DHX36: variants seen among roughly 807,000 people sequenced by gnomAD.
The protein encoded by DHX36 is DEAH-box helicase 36, also known as ATP-dependent DNA/RNA helicase DHX36.
In DHX36, 50 loss-of-function variants were observed where a neutral mutation model predicts 139.0. The ratio of observed to expected loss-of-function variants is 0.36; its 90% CI spans 0.29 to 0.46. DHX36 has a LOEUF of 0.46. Ranked by LOEUF, DHX36 falls within the 20% of genes least tolerant of loss-of-function variation. The pLI is 1.00. For synonymous variants in DHX36, 425 were observed against 401.9 expected, an observed-to-expected ratio of 1.06 and a Z score of -0.69; for missense variants, 1,024 against 1,211.3, an observed-to-expected ratio of 0.85 and a Z score of 2.29.
intron 16 of DHX36, 41 bp from the exon 17 acceptor site, chr3:154,289,005 T>A: frequency 9.6e-7 from 1 of 1,038,012 alleles, no homozygotes; most frequent in Non-Finnish European, 1.4e-6. Context: ...CATATAATAT[T>A]AATATATTAG....
chr3:154,307,335 T>C (rs1401961618), intron 5 of DHX36, among the ~76,000 whole-genome samples: 1 of 152,092 alleles, frequency 6.6e-6, no homozygotes, highest in African/African-American at 2.4e-5. Context: ...ACAGATAATT[T>C]CCAGAACGGA....
intron 3 of DHX36, among the ~76,000 whole-genome samples, chr3:154,314,008 T>A (rs1712866580): frequency 6.6e-6 from 1 of 152,210 alleles, no homozygotes; most frequent in African/African-American, 2.4e-5. Context: ...ACTTTTTAAA[T>A]GTTTTACACA....
chr3:154,321,154 C>A (rs554409969), intron 1 of DHX36, among the ~76,000 whole-genome samples: 141 of 152,320 alleles, frequency 9.3e-4, no homozygotes, highest in African/African-American at 3.2e-3. Flanking sequence ...CAAAACTTTT[C>A]ATCTAGTTAT....
At chr3:154,315,600 T>C (rs1248655022) in intron 2 of DHX36, among the ~76,000 whole-genome samples, 1 of 152,146 alleles carries the variant, frequency 6.6e-6, no homozygotes, top group Non-Finnish European at 1.5e-5. Flanking sequence ...TTGTTTTATG[T>C]CACAACATCT....
At position 154,273,919 on chromosome 3, in the gene DHX36, AG is replaced by A. The variant is rs1274665923; in HGVS notation, c.*2251del. The A allele has an allele frequency of 6.6e-6, 1 of 152,236 alleles. No homozygotes were observed. The highest frequency in any genetic ancestry group is 1.5e-5 in the Non-Finnish European group (1 of 68,042). The allele number at this position is 152,236 out of a possible 1,614,324, so 9.4% of individuals were successfully genotyped here. A position where few individuals can be genotyped will look rare whatever the true frequency, so the allele number is the denominator to read the frequency against. ...CTTTTACACCTTCTGTCAGACAAATAGGTTAAAACTCTTACATTGCAAAATC... is the reference window on the plus strand; with the variant it reads ...CTTTTACACCTTCTGTCAGACAAATAGTTAAAACTCTTACATTGCAAAATC... On this transcript the variant is annotated 3_prime_UTR_variant, in exon 25 of 25. Transcript: ENST00000496811.
intron 19 of DHX36, 33 bp from the exon 20 acceptor site, chr3:154,283,304 T>C: frequency 6.8e-7 from 1 of 1,469,990 alleles, no homozygotes; most frequent in Non-Finnish European, 9.5e-7. Context: ...AATCTATATT[T>C]CTCCCGCAAA....
Position 154,275,471 on chromosome 3 carries a change from AAGG to A in DHX36, c.*697_*699del, listed in dbSNP as rs920770580. Reference sequence around the variant, plus strand: ...AACTGTATCTTACAAGATAAGGAAAAAGGAGAGAAGCCAAGACACTGACTAACT... The same window carrying A: ...AACTGTATCTTACAAGATAAGGAAAAAGAGAAGCCAAGACACTGACTAACT... On this transcript the variant is annotated 3_prime_UTR_variant, in exon 25 of 25. Transcript: ENST00000496811. The A allele has an allele frequency of 3.7e-5, 1 of 26,830 alleles. No homozygotes were observed. The highest frequency in any genetic ancestry group is 4.7e-4 in the African/African-American group (1 of 2,112). The allele number at this position is 26,830 out of a possible 1,614,324, so 1.7% of individuals were successfully genotyped here.
intron 19 of DHX36, among the ~76,000 whole-genome samples, chr3:154,283,667 G>A (rs1719408788): frequency 6.6e-6 from 1 of 150,388 alleles, no homozygotes; most frequent in African/African-American, 2.4e-5. Flanking sequence ...GGAGGGAAAT[G>A]GGGAAAAAGG....
At chr3:154,313,431 G>T (rs1296550863) in intron 3 of DHX36, among the ~76,000 whole-genome samples, 2 of 152,144 alleles carry the variant, frequency 1.3e-5, no homozygotes, top group Admixed American at 1.3e-4. Flanking sequence ...CATAATTACA[G>T]AATTTGGGGA....
chr3:154,284,387 G>C (rs933518787), intron 19 of DHX36, among the ~76,000 whole-genome samples, 196 bp downstream of exon 19: 1 of 151,986 alleles, frequency 6.6e-6, no homozygotes, highest in African/African-American at 2.4e-5. Context: ...CGCCATGTTG[G>C]CCAGCCTGGT....
At chr3:154,279,049 CT>C (rs1228933710) in intron 22 of DHX36, 1 of 152,206 alleles carries the variant, frequency 6.6e-6, no homozygotes, top group East Asian at 1.9e-4. Context: ...GTGATCTTGA[CT>C]CACTGCAACC....
chr3:154,312,859 A>G (rs1481817982), intron 3 of DHX36, among the ~76,000 whole-genome samples: 2 of 14,928 alleles, frequency 1.3e-4, no homozygotes, highest in East Asian at 1.5e-3. Flanking sequence ...TAAAATATAT[A>G]TATATATATA....
At chr3:154,308,904 A>G (rs1712618243) in intron 5 of DHX36, among the ~76,000 whole-genome samples, 1 of 152,102 alleles carries the variant, frequency 6.6e-6, no homozygotes. Context: ...ATGACTGACT[A>G]TGGCTGGACA....
In DHX36 at chr3:154,288,917, G is replaced by T; in HGVS notation, c.1980C>A (p.Asp660Glu). The T allele has an allele frequency of 6.3e-7, 1 of 1,590,750 alleles. No homozygotes were observed. Among genetic ancestry groups the T allele is most frequent in the Non-Finnish European group, 8.6e-7 (1 of 1,167,512 alleles). ...GTAACACTGCCTCATTTGATGGTGG[G>T]TCCATTAATCTACTCAGAAAATAAG... ...GIAYFLSRLMDPPSNEAVLLS... is the reference protein window; with the variant it reads ...GIAYFLSRLMEPPSNEAVLLS... Residue 660 changes from aspartate (D) to glutamate (E), a missense_variant, in exon 17 of 25, where the codon GAC becomes GAA. Coordinates refer to ENST00000496811, the MANE Select transcript of DHX36 (RefSeq NM_020865.3).
At chr3:154,291,105 A>C (rs1179514684) in intron 15 of DHX36, among the ~76,000 whole-genome samples, 2 of 120,848 alleles carry the variant, frequency 1.7e-5, no homozygotes, top group Non-Finnish European at 3.3e-5. Flanking sequence ...ACTGCACTCC[A>C]GCCTGGGCGA....
rs776775473 is a variant in DHX36, at chr3:154,304,794, C to T, written c.1135+12G>A. ...TACCTTTTCTAATGTAATAACTATA[C>T]ATTTTACTCACCAAAATATTCTGAA... On this transcript the variant is annotated intron_variant, in intron 8 of 24. Coordinates refer to ENST00000496811, the MANE Select transcript of DHX36 (RefSeq NM_020865.3). 55 of 1,525,602 alleles carry T rather than the reference C, an allele frequency of 3.6e-5. No individual in the cohort carries two copies. The highest frequency in any genetic ancestry group is 4.6e-5 in the Non-Finnish European group (53 of 1,140,174). 94.5% of individuals were successfully genotyped at this position (1,525,602 alleles called of 1,614,324 possible).
intron 9 of DHX36, among the ~76,000 whole-genome samples, chr3:154,301,886 A>G (rs1320665310): frequency 6.6e-6 from 1 of 152,024 alleles, no homozygotes; most frequent in Non-Finnish European, 1.5e-5. Context: ...CAACTAGAGG[A>G]CAGCATCTAG....
chr3:154,295,228 C>A, intron 13 of DHX36, 56 bp downstream of exon 13: 1 of 1,061,690 alleles, frequency 9.4e-7, no homozygotes, highest in Non-Finnish European at 1.4e-6. Flanking sequence ...AACAAGCAGT[C>A]CTTAAAGCTT....
chr3:154,284,652 T>C lies in DHX36; in HGVS notation c.2223A>G (p.Ala741=). The C allele has an allele frequency of 1.2e-6, 2 of 1,612,112 alleles. No homozygotes were observed. Among genetic ancestry groups the C allele is most frequent in the Non-Finnish European group, 8.5e-7 (1 of 1,178,824 alleles). The change falls in exon 19 of 25, where the codon GCA becomes GCG. Residue 741 remains alanine (A), a synonymous_variant. Coordinates refer to ENST00000496811, the MANE Select transcript of DHX36 (RefSeq NM_020865.3). ...TTGCCAATTCCTTTCTTCTTGCATCTGCAATCTTTTCTTTTCCCTTAAAAA... is the reference window on the plus strand; with the variant it reads ...TTGCCAATTCCTTTCTTCTTGCATCCGCAATCTTTTCTTTTCCCTTAAAAA... ...FVIPLGKEKI[A]DARRKELAKD...
Sources: gnomAD v4.1 joint callset for allele counts (sites outside exome capture counted in the v4.1 genomes callset) on GRCh38, gnomAD v4.1.1 for gene constraint, MANE v1.5 for transcripts, NCBI Gene and HGNC (gene_info 2026-07-23, HGNC 2026-07-21) for gene names.